SLC7A1: variants seen among roughly 807,000 people sequenced by gnomAD.
SLC7A1 encodes high affinity cationic amino acid transporter 1.
Under a neutral mutation model 53.9 loss-of-function variants are expected in SLC7A1, and 10 were observed. The ratio of observed to expected loss-of-function variants is 0.19; its 90% confidence interval spans 0.11 to 0.31. The LOEUF is 0.31. Among genes scored for constraint, SLC7A1 ranks in the 10% least tolerant of loss-of-function variants. The pLI, the probability that SLC7A1 is intolerant of heterozygous loss-of-function variation, is 1.00. For missense variants in SLC7A1, 525 were observed against 827.2 expected (o/e 0.63, Z 4.48); for synonymous variants, 342 against 338.7 (o/e 1.01, Z -0.11).
intron 2 of SLC7A1, among the ~76,000 whole-genome samples, chr13:29,553,273 C>T (rs1870283913): frequency 6.6e-6 from 1 of 152,230 alleles, no homozygotes; most frequent in African/African-American, 2.4e-5. Flanking sequence ...AGTGCAAAGA[C>T]TCCAAGAGTC....
At chr13:29,526,542 T>C (rs2802247) in intron 5 of SLC7A1, among the ~76,000 whole-genome samples, 14,235 of 152,138 alleles carry the variant, frequency 0.094, 780 homozygotes, top group African/African-American at 0.14. Context: ...AATGCTATCA[T>C]GGATAGATGA....
At position 29,523,328 on chromosome 13, in the gene SLC7A1, G is replaced by C; in HGVS notation, c.987C>G (p.His329Gln). The change falls in exon 7 of 13, where the codon CAC becomes CAG. Residue 329 changes from histidine to glutamine, a missense_variant. This residue lies in a region of SLC7A1 where 354 missense variants were observed against 587.5 expected (regional missense o/e 0.60). Transcript: ENST00000380752. Reference sequence around the variant, plus strand: ...CGTACTTGGCACCTTCCCAGCCCACGTGCTTAAAGGCGTCGGGCAGGGGGC... The same window carrying C: ...CGTACTTGGCACCTTCCCAGCCCACCTGCTTAAAGGCGTCGGGCAGGGGGC... The part of the protein sequence containing the change: ...NNSPLPDAFK[H>Q]VGWEGAKYAV... The C allele has an allele frequency of 6.2e-7, 1 of 1,613,786 alleles. No individual in the cohort carries two copies. The highest frequency in any genetic ancestry group is 1.1e-5 in the South Asian group (1 of 91,086).
chr13:29,534,846 C>T (rs982306240), intron 3 of SLC7A1, among the ~76,000 whole-genome samples: 1 of 152,206 alleles, frequency 6.6e-6, no homozygotes, highest in African/African-American at 2.4e-5. Flanking sequence ...CGTTTGTACC[C>T]TTTGCTTCTG....
chr13:29,532,946 A>T lies in SLC7A1; in HGVS notation c.407T>A (p.Phe136Tyr). ...SSVARAWSAT[F>Y]DELIGRPIGE... ...GATGGGTCTGCCTATCAGCTCGTCG[A>T]AGGTGGCGCTCCAGGCCCTCGCTAC... The change falls in exon 4 of 13, where the codon TTC becomes TAC. Residue 136 changes from phenylalanine (F) to tyrosine (Y), a missense_variant. This residue lies in a region of SLC7A1 where 354 missense variants were observed against 587.5 expected (regional missense o/e 0.60). Transcript: ENST00000380752. The T allele has an allele frequency of 6.2e-7, 1 of 1,614,030 alleles. No individual in the cohort carries two copies.
intron 5 of SLC7A1, among the ~76,000 whole-genome samples, chr13:29,529,522 A>G (rs1869054930): frequency 6.6e-6 from 1 of 152,204 alleles, no homozygotes; most frequent in Non-Finnish European, 1.5e-5. Flanking sequence ...CCCTTCTGGA[A>G]GAGCTGGGTC....
chr13:29,570,159 C>T (rs1871134283), intron 1 of SLC7A1, among the ~76,000 whole-genome samples: 1 of 152,198 alleles, frequency 6.6e-6, no homozygotes, highest in African/African-American at 2.4e-5. Flanking sequence ...TGGCATTAAA[C>T]GAATGGCTGC....
At chr13:29,532,449 G>A (rs547206891) in intron 4 of SLC7A1, among the ~76,000 whole-genome samples, 2 of 152,328 alleles carry the variant, frequency 1.3e-5, no homozygotes, top group South Asian at 2.1e-4. Context: ...TTTCCTGGCT[G>A]ATGAATGACA....
intron 6 of SLC7A1, 72 bp from the exon 7 acceptor site, chr13:29,523,560 G>C: frequency 8.5e-7 from 1 of 1,180,150 alleles, no homozygotes; most frequent in Non-Finnish European, 1.2e-6. Context: ...TGACACCCAA[G>C]GCCTCTCAGT....
chr13:29,517,020 A>G (rs1883576970), intron 11 of SLC7A1, 124 bp downstream of exon 11: 3 of 852,980 alleles, frequency 3.5e-6, no homozygotes, highest in Non-Finnish European at 5.3e-6. Flanking sequence ...TCTTACCTGA[A>G]GCTGGCTAGC....
intron 2 of SLC7A1, 56 bp downstream of exon 2, chr13:29,553,705 C>G (rs1430094544): frequency 6.6e-6 from 1 of 152,176 alleles, no homozygotes; most frequent in Non-Finnish European, 1.5e-5. Flanking sequence ...ATAACATATT[C>G]TAGTACAAAA....
At chr13:29,587,572 C>G (rs1014181243) in intron 1 of SLC7A1, among the ~76,000 whole-genome samples, 1 of 152,194 alleles carries the variant, frequency 6.6e-6, no homozygotes, top group South Asian at 2.1e-4. Flanking sequence ...CCCTCAATCA[C>G]GCTCCAGGCC....
intron 5 of SLC7A1, among the ~76,000 whole-genome samples, chr13:29,529,203 G>A (rs1283056230): frequency 1.3e-5 from 2 of 152,174 alleles, no homozygotes; most frequent in African/African-American, 2.4e-5. Flanking sequence ...TATTAGAACT[G>A]CTAACCACAA....
chr13:29,583,777 C>T (rs1209739833), intron 1 of SLC7A1, among the ~76,000 whole-genome samples: 2 of 152,198 alleles, frequency 1.3e-5, no homozygotes, highest in East Asian at 3.8e-4. Flanking sequence ...TTGTATCAAA[C>T]TCTGAGACCA....
intron 2 of SLC7A1, among the ~76,000 whole-genome samples, chr13:29,542,512 C>A (rs1230603498): frequency 6.6e-6 from 1 of 151,808 alleles, no homozygotes; most frequent in Non-Finnish European, 1.5e-5. Context: ...GGCAAGACAT[C>A]ATCTCTACAA....
intron 1 of SLC7A1, among the ~76,000 whole-genome samples, chr13:29,585,162 G>A (rs1871828398): frequency 6.6e-6 from 1 of 152,176 alleles, no homozygotes; most frequent in Admixed American, 6.5e-5. Flanking sequence ...CATCATCACA[G>A]AGAATAATGT....
chr13:29,524,576 C>A (rs570604399), intron 5 of SLC7A1, among the ~76,000 whole-genome samples: 1 of 152,170 alleles, frequency 6.6e-6, no homozygotes, highest in African/African-American at 2.4e-5. Context: ...ACCAGCCACG[C>A]GGCCAGTCCC....
chr13:29,536,223 T>C (rs1011080755), intron 2 of SLC7A1, 21 bp from the exon 3 acceptor site: 6 of 1,584,360 alleles, frequency 3.8e-6, no homozygotes, highest in Non-Finnish European at 5.2e-6. Context: ...AGAACAAAGA[T>C]GTTTCCTGAT....
At chr13:29,578,778 C>G (rs572096701) in intron 1 of SLC7A1, among the ~76,000 whole-genome samples, 1 of 152,232 alleles carries the variant, frequency 6.6e-6, no homozygotes, top group Admixed American at 6.5e-5. Flanking sequence ...CTCAATACCC[C>G]GGCTCCCTGT....
At chr13:29,578,672 C>T (rs1417437603) in intron 1 of SLC7A1, among the ~76,000 whole-genome samples, 2 of 152,240 alleles carry the variant, frequency 1.3e-5, no homozygotes, top group African/African-American at 4.8e-5. Flanking sequence ...CTGGTTCAAC[C>T]GGGCACCCCG....
Sources: allele counts gnomAD v4.1 joint callset (sites outside exome capture counted in the v4.1 genomes callset), GRCh38; gene constraint gnomAD v4.1.1; regional missense constraint gnomAD v4.1.1; transcripts MANE v1.5; gene names NCBI Gene and HGNC (gene_info 2026-07-23, HGNC 2026-07-21).